Variants in TAMM41 observed in about 807,000 individuals in gnomAD.
The protein encoded by TAMM41 is TAM41 mitochondrial translocator assembly and maintenance homolog.
TAMM41 carries 36 observed loss-of-function variants against 44.1 expected under a neutral mutation model. That is an observed-to-expected ratio of 0.82 (90% CI 0.63 to 1.08). The LOEUF is 1.08. Among genes scored for constraint, TAMM41 ranks in the 50% least tolerant of loss-of-function variants. TAMM41 has a pLI of 0.00. For missense variants in TAMM41, 417 were observed against 404.3 expected (o/e 1.03, Z -0.27); for synonymous variants, 164 against 153.1 (o/e 1.07, Z -0.53).
rs377637536 is a variant in TAMM41 at position 11,839,318 on chromosome 3, A to G, written c.319-4T>C. Reference sequence around the variant, plus strand: ...TAATAACTCCATATTTGATAAGCTGAAGGAAAAAAGAAATGGCACAAAACG... The same window carrying G: ...TAATAACTCCATATTTGATAAGCTGGAGGAAAAAAGAAATGGCACAAAACG... On this transcript the variant is annotated splice_polypyrimidine_tract_variant and splice_region_variant and intron_variant, in intron 2 of 7. Transcript: ENST00000455809. The G allele has an allele frequency of 1.2e-4, 188 of 1,592,672 alleles. No homozygotes were observed. The highest frequency in any genetic ancestry group is 1.4e-4 in the Non-Finnish European group (167 of 1,163,114).
At chr3:11,818,121 A>C (rs2078356502) in intron 4 of TAMM41, among the ~76,000 whole-genome samples, 1 of 152,230 alleles carries the variant, frequency 6.6e-6, no homozygotes, top group African/African-American at 2.4e-5. Flanking sequence ...GGACACACGC[A>C]GAACCTTCTG....
intron 7 of TAMM41, among the ~76,000 whole-genome samples, chr3:11,793,435 T>A (rs1198008078): frequency 6.6e-6 from 1 of 152,196 alleles, no homozygotes; most frequent in Non-Finnish European, 1.5e-5. Flanking sequence ...TTTAGCAGTT[T>A]CTACTAAAGC....
chr3:11,813,932 GTA>G (rs1002746525), intron 5 of TAMM41, among the ~76,000 whole-genome samples: 7 of 146,574 alleles, frequency 4.8e-5, no homozygotes, highest in African/African-American at 1.3e-4. Flanking sequence ...ATATATGTGT[GTA>G]TATATGTGTA....
intron 3 of TAMM41, among the ~76,000 whole-genome samples, chr3:11,837,028 T>C (rs1471738254): frequency 6.6e-6 from 1 of 152,232 alleles, no homozygotes; most frequent in Non-Finnish European, 1.5e-5. Flanking sequence ...TCCATGTGTA[T>C]ACCTGTGTAA....
the TAMM41 span, among the ~76,000 whole-genome samples, chr3:11,745,890 T>C: frequency 6.6e-6 from 1 of 152,224 alleles, no homozygotes; most frequent in South Asian, 2.1e-4. Context: ...CTACAGTTAA[T>C]TACCACTTCA....
At chr3:11,809,801 G>A (rs866605339) in intron 5 of TAMM41, 119 bp from the exon 6 acceptor site, 5 of 975,744 alleles carry the variant, frequency 5.1e-6, no homozygotes, top group Admixed American at 2.8e-5. Context: ...CACCCCTGGC[G>A]AGGCAGCAAG....
the TAMM41 span, among the ~76,000 whole-genome samples, chr3:11,733,184 A>G: frequency 4.0e-5 from 6 of 151,318 alleles, no homozygotes; most frequent in East Asian, 1.2e-3. Flanking sequence ...TTTTTGGTAT[A>G]GGCAGGGTTT....
chr3:11,782,295 T>G, the TAMM41 span, among the ~76,000 whole-genome samples: 1 of 152,134 alleles, frequency 6.6e-6, no homozygotes, highest in Admixed American at 6.5e-5. Flanking sequence ...CCTGTAGTCC[T>G]AGCACTTTAA....
Position 11,832,668 on chromosome 3 carries a change from G to A in TAMM41, c.412-2804C>T, listed in dbSNP as rs779077809. On this transcript the variant is annotated intron_variant, in intron 3 of 7. Transcript: ENST00000455809. ...AAGAGAAGTAGTGGCGAACTGGACC[G>A]GGATCCAGTCCCAGGATTCACCCAG... 2.3e-3 allele frequency among the ~76,000 whole-genome samples: 356 copies of A among 152,228 alleles called. 3 individuals are homozygous for A. Among genetic ancestry groups the A allele is most frequent in the Admixed American group, 8.5e-4 (13 of 15,286 alleles).
downstream of TAMM41, among the ~76,000 whole-genome samples, chr3:11,787,991 G>A (rs776990955): frequency 6.6e-6 from 1 of 152,184 alleles, no homozygotes; most frequent in Admixed American, 6.5e-5. Flanking sequence ...GGAACACAAA[G>A]ACACAAGTAT....
Position 11,835,353 on chromosome 3 carries a change from T to TA in TAMM41, c.411+3868dup, listed in dbSNP as rs1015446168. Among the ~76,000 whole-genome samples, 253 of 149,746 alleles carry TA rather than the reference T, an allele frequency of 1.7e-3. 1 individual carries two copies. The highest frequency in any genetic ancestry group is 5.7e-3 in the African/African-American group (235 of 41,018). On this transcript the variant is annotated intron_variant, in intron 3 of 7. Coordinates refer to ENST00000455809, the MANE Select transcript of TAMM41 (RefSeq NM_001284401.2). Reference sequence around the variant, plus strand: ...AATTTGCCCATTTATCATTCTCAATTAAAAAAAAAATATGTTCATCACTTT... The same window carrying TA: ...AATTTGCCCATTTATCATTCTCAATTAAAAAAAAAAATATGTTCATCACTTT...
the TAMM41 span, among the ~76,000 whole-genome samples, chr3:11,777,360 C>T: frequency 1.3e-5 from 2 of 152,150 alleles, no homozygotes; most frequent in East Asian, 3.9e-4. Context: ...ATGGTTTGGG[C>T]ATTTCCAAAA....
intron 1 of TAMM41, 79 bp from the exon 2 acceptor site, chr3:11,844,290 T>C: frequency 2.9e-6 from 4 of 1,366,656 alleles, no homozygotes; most frequent in South Asian, 2.7e-5. Flanking sequence ...AGCTCTAACA[T>C]ACTACGCAAT....
chr3:11,727,526 G>A, the TAMM41 span, among the ~76,000 whole-genome samples: 1 of 152,212 alleles, frequency 6.6e-6, no homozygotes, highest in Non-Finnish European at 1.5e-5. Context: ...GTGTAGTGGT[G>A]CAATCTCTGC....
intron 6 of TAMM41, chr3:11,808,373 A>G (rs943382221): frequency 1.0e-6 from 1 of 999,040 alleles, no homozygotes; most frequent in Non-Finnish European, 1.2e-6. Context: ...TGCCAGGATC[A>G]TGTTCAAACA....
chr3:11,776,045 G>A, the TAMM41 span, among the ~76,000 whole-genome samples: 3 of 143,726 alleles, frequency 2.1e-5, no homozygotes, highest in African/African-American at 5.2e-5. Flanking sequence ...ATGGAGTCTC[G>A]CTCTGTTGCC....
At chr3:11,759,300 C>T in the TAMM41 span, among the ~76,000 whole-genome samples, 1 of 152,002 alleles carries the variant, frequency 6.6e-6, no homozygotes, top group Non-Finnish European at 1.5e-5. Flanking sequence ...ACGGCACATC[C>T]ATTCTTTCAG....
intron 5 of TAMM41, among the ~76,000 whole-genome samples, chr3:11,813,085 T>C (rs984005907): frequency 6.6e-6 from 1 of 152,204 alleles, no homozygotes; most frequent in Non-Finnish European, 1.5e-5. Flanking sequence ...TTTATTTTTA[T>C]AGTTAGAGAA....
the TAMM41 span, among the ~76,000 whole-genome samples, chr3:11,778,463 T>C: frequency 6.6e-6 from 1 of 152,208 alleles, no homozygotes; most frequent in Admixed American, 6.5e-5. Context: ...GCTCAAGCAA[T>C]GGCCCACCTC....
Sources: gnomAD v4.1 joint callset for allele counts (sites outside exome capture counted in the v4.1 genomes callset) on GRCh38, gnomAD v4.1.1 for gene constraint, MANE v1.5 for transcripts, NCBI Gene and HGNC (gene_info 2026-07-23, HGNC 2026-07-21) for gene names.